Variants in ARPP21 observed in about 807,000 individuals in gnomAD.
ARPP21 encodes the protein cAMP regulated phosphoprotein 21, also known as cAMP-regulated phosphoprotein 21.
A neutral mutation model predicts 113.2 loss-of-function variants in ARPP21; 69 were observed. The observed-to-expected ratio is 0.61, with a 90% CI of 0.50 to 0.74. ARPP21 has a LOEUF of 0.74. Ranked by LOEUF, ARPP21 falls within the 30% of genes least tolerant of loss-of-function variation. ARPP21 has a pLI of 0.00. For synonymous variants in ARPP21, 368 were observed against 375.5 expected (o/e 0.98, Z 0.23); for missense variants, 1,070 against 1,037.4 (o/e 1.03, Z -0.43).
At chr3:35,650,257 G>A (rs1381791412) in intron 1 of ARPP21, 1 of 152,036 alleles carries the variant, frequency 6.6e-6, no homozygotes, top group East Asian at 1.9e-4. Flanking sequence ...GGCTAACAAG[G>A]CTTGTCTTTG....
chr3:35,702,985 T>C (rs866530592), intron 9 of ARPP21, among the ~76,000 whole-genome samples: 19 of 151,982 alleles, frequency 1.3e-4, no homozygotes, highest in Admixed American at 9.8e-4. Flanking sequence ...TACTTTATAC[T>C]GTTGTGCATA....
intron 11 of ARPP21, among the ~76,000 whole-genome samples, chr3:35,709,570 T>C (rs2090377950): frequency 6.6e-6 from 1 of 152,108 alleles, no homozygotes; most frequent in African/African-American, 2.4e-5. Context: ...TCTCCTCAAT[T>C]TCAAATCAAA....
At chr3:35,724,351 A>C (rs1040459011) in intron 14 of ARPP21, among the ~76,000 whole-genome samples, 8 of 152,172 alleles carry the variant, frequency 5.3e-5, no homozygotes, top group African/African-American at 1.9e-4. Context: ...GTGGTTGAGA[A>C]ATAAGAGTAT....
intron 14 of ARPP21, among the ~76,000 whole-genome samples, chr3:35,723,778 T>A (rs1472312120): frequency 1.3e-5 from 2 of 152,172 alleles, no homozygotes; most frequent in African/African-American, 2.4e-5. Context: ...GAAGAATGAT[T>A]AGAGATTGTA....
chr3:35,726,841 T>G (rs1380212072), intron 14 of ARPP21, among the ~76,000 whole-genome samples: 1 of 152,220 alleles, frequency 6.6e-6, no homozygotes, highest in Non-Finnish European at 1.5e-5. Flanking sequence ...CTGAATCATG[T>G]TTGCATAACA....
intron 19 of ARPP21, among the ~76,000 whole-genome samples, chr3:35,752,554 A>C (rs901321064): frequency 1.3e-5 from 2 of 152,070 alleles, no homozygotes; most frequent in African/African-American, 4.8e-5. Context: ...TGCAAATGCT[A>C]TCCCCAAGCC....
chr3:35,692,842 C>T (rs1312580095), intron 9 of ARPP21, among the ~76,000 whole-genome samples: 1 of 151,728 alleles, frequency 6.6e-6, no homozygotes, highest in South Asian at 2.1e-4. Flanking sequence ...AGGTGAGCCA[C>T]ATTTCAAGCA....
At chr3:35,759,289 A>G (rs1425436262) in intron 19 of ARPP21, among the ~76,000 whole-genome samples, 1 of 152,082 alleles carries the variant, frequency 6.6e-6, no homozygotes, top group African/African-American at 2.4e-5. Flanking sequence ...TAGGAAACCA[A>G]TAAACCCACA....
intron 11 of ARPP21, among the ~76,000 whole-genome samples, chr3:35,714,033 A>G (rs2091924975): frequency 6.6e-6 from 1 of 152,240 alleles, no homozygotes; most frequent in African/African-American, 2.4e-5. Context: ...AGTGTACTGT[A>G]AAGAGCCCTT....
intron 1 of ARPP21, among the ~76,000 whole-genome samples, chr3:35,669,265 C>T (rs974050472): frequency 6.6e-6 from 1 of 152,070 alleles, no homozygotes; most frequent in African/African-American, 2.4e-5. Context: ...GACTACTCAA[C>T]AAAAAGATTC....
chr3:35,683,465 C>T (rs2079580397), intron 4 of ARPP21, among the ~76,000 whole-genome samples: 1 of 151,562 alleles, frequency 6.6e-6, no homozygotes, highest in Admixed American at 6.6e-5. Context: ...TTCCTATGTT[C>T]CCAATGTGAT....
chr3:35,701,293 A>G (rs952269485), intron 9 of ARPP21, among the ~76,000 whole-genome samples: 6 of 151,808 alleles, frequency 4.0e-5, no homozygotes, highest in African/African-American at 1.2e-4. Flanking sequence ...GATAATTCAT[A>G]TAAGATCATC....
Position 35,640,128 on chromosome 3 carries a change from CCG to C in ARPP21, c.-481_-480del, listed in dbSNP as rs1352534679. 3 of 152,338 alleles carry C rather than the reference CCG, an allele frequency of 2.0e-5. No homozygotes were observed. The East Asian group carries it at 5.8e-4, about 29-fold the overall frequency. The allele number at this position is 152,338 out of a possible 1,614,324, so 9.4% of individuals were successfully genotyped here. On this transcript the variant is annotated 5_prime_UTR_variant, in exon 1 of 21. Coordinates refer to ENST00000684406, the MANE Select transcript of ARPP21 (RefSeq NM_001385562.1). ...AGCGGGGACACAAGCCGCGACCGAG[CCG>C]CCGCCGCAGCCCTGGCTGCCACAGC...
At chr3:35,752,086 T>C (rs749793917) in intron 19 of ARPP21, among the ~76,000 whole-genome samples, 5 of 152,070 alleles carry the variant, frequency 3.3e-5, no homozygotes, top group Non-Finnish European at 7.4e-5. Context: ...GTTGAGCTAA[T>C]TGGGGAAGCT....
At chr3:35,662,909 C>G (rs1233139536) in intron 1 of ARPP21, among the ~76,000 whole-genome samples, 1 of 151,884 alleles carries the variant, frequency 6.6e-6, no homozygotes, top group Non-Finnish European at 1.5e-5. Flanking sequence ...ATAACAGAGG[C>G]TGGGAAGGGT....
intron 10 of ARPP21, among the ~76,000 whole-genome samples, chr3:35,707,925 C>T (rs1482883792): frequency 6.6e-6 from 1 of 151,828 alleles, no homozygotes; most frequent in African/African-American, 2.4e-5. Flanking sequence ...TACAATTATA[C>T]TTTGTGTCTC....
chr3:35,703,356 A>G (rs1218285581), intron 9 of ARPP21, among the ~76,000 whole-genome samples: 2 of 151,874 alleles, frequency 1.3e-5, no homozygotes, highest in Admixed American at 6.6e-5. Context: ...CTGTTTGTCA[A>G]TTCATGAGCT....
chr3:35,698,310 A>G (rs1353539611), intron 9 of ARPP21, among the ~76,000 whole-genome samples: 2 of 151,614 alleles, frequency 1.3e-5, no homozygotes, highest in Non-Finnish European at 1.5e-5. Flanking sequence ...AATATACCGT[A>G]AGAAGGAACA....
chr3:35,765,926 A>G (rs558447510), intron 19 of ARPP21, among the ~76,000 whole-genome samples: 66 of 152,296 alleles, frequency 4.3e-4, no homozygotes, highest in African/African-American at 1.5e-3. Flanking sequence ...TAGCTCATCA[A>G]GGATTAAATA....
Sources: gnomAD v4.1 joint callset for allele counts (sites outside exome capture counted in the v4.1 genomes callset) on GRCh38, gnomAD v4.1.1 for gene constraint, MANE v1.5 for transcripts, NCBI Gene and HGNC (gene_info 2026-07-23, HGNC 2026-07-21) for gene names.